The following ANKRD28 variants were observed in gnomAD, a reference collection of about 807,000 sequenced individuals.
ANKRD28 encodes the protein ankyrin repeat domain 28.
A neutral mutation model predicts 126.5 loss-of-function variants in ANKRD28; 44 were observed. The observed-to-expected ratio is 0.35, with a 90% CI of 0.27 to 0.45. ANKRD28 has a LOEUF of 0.45. Ranked by LOEUF, ANKRD28 falls within the 20% of genes least tolerant of loss-of-function variation. ANKRD28 has a pLI of 1.00. For synonymous variants in ANKRD28, 442 were observed against 468.5 expected, an observed-to-expected ratio of 0.94 and a Z score of 0.73; for missense variants, 1,110 against 1,316.6, an observed-to-expected ratio of 0.84 and a Z score of 2.43.
chr3:15,686,325 T>G lies in ANKRD28; in HGVS notation c.1964-16A>C, dbSNP rs1431393691. ...CCATTTGTTGCTGTAAAGTGAAATTTAAACATTTCAGTAATTACATATAAT... is the reference window on the plus strand; with the variant it reads ...CCATTTGTTGCTGTAAAGTGAAATTGAAACATTTCAGTAATTACATATAAT... On this transcript the variant is annotated splice_polypyrimidine_tract_variant and intron_variant, in intron 18 of 27. Coordinates refer to ENST00000683139, the MANE Select transcript of ANKRD28 (RefSeq NM_001349278.2). The G allele has an allele frequency of 6.5e-7, 1 of 1,528,804 alleles. No homozygotes were observed. Among genetic ancestry groups the G allele is most frequent in the Non-Finnish European group, 8.9e-7 (1 of 1,122,116 alleles). The allele number at this position is 1,528,804 out of a possible 1,614,324, so 94.7% of individuals were successfully genotyped here. A position where few individuals can be genotyped will look rare whatever the true frequency, so the allele number is the denominator to read the frequency against.
At chr3:15,821,756 C>T (rs1368900824) in intron 1 of ANKRD28, among the ~76,000 whole-genome samples, 1 of 152,210 alleles carries the variant, frequency 6.6e-6, no homozygotes, top group Non-Finnish European at 1.5e-5. Flanking sequence ...TCCATGATAG[C>T]AGCCCACATC....
At chr3:15,801,213 T>C (rs2060458924), upstream of ANKRD28, among the ~76,000 whole-genome samples, 1 of 152,210 alleles carries the variant, frequency 6.6e-6, no homozygotes, top group Non-Finnish European at 1.5e-5. This position sits in a 1 kb window ranked among gnomAD's most constrained non-coding sequence, Gnocchi z 4.9. Flanking sequence ...TTACTCCTAC[T>C]ATTAATGGAA....
intron 11 of ANKRD28, among the ~76,000 whole-genome samples, chr3:15,711,580 A>C (rs2072282375): frequency 1.3e-5 from 2 of 152,204 alleles, no homozygotes; most frequent in African/African-American, 4.8e-5. Context: ...AGAACAGGCA[A>C]ATTTTATAGA....
At chr3:15,773,903 C>T (rs766247644) in intron 2 of ANKRD28, among the ~76,000 whole-genome samples, 7 of 152,054 alleles carry the variant, frequency 4.6e-5, no homozygotes, top group Admixed American at 1.3e-4. Context: ...GGGGGCCTCA[C>T]GCTGTTTGAC....
At chr3:15,717,619 C>T (rs933654543) in intron 8 of ANKRD28, among the ~76,000 whole-genome samples, 3 of 152,042 alleles carry the variant, frequency 2.0e-5, no homozygotes, top group African/African-American at 7.2e-5. Context: ...TAACTACAAG[C>T]CAAACACTTC....
At chr3:15,808,155 A>G (rs1307690710) in intron 1 of ANKRD28, among the ~76,000 whole-genome samples, 2 of 152,194 alleles carry the variant, frequency 1.3e-5, no homozygotes, top group Non-Finnish European at 2.9e-5. Flanking sequence ...CTTCCCACAC[A>G]CCAGACACCT....
In ANKRD28 at chr3:15,846,119, C is replaced by G. The variant is rs1482681169; in HGVS notation, c.27+13258G>C. Among the ~76,000 whole-genome samples, 1 of 151,272 alleles carries G rather than the reference C, an allele frequency of 6.6e-6. No individual in the cohort carries two copies. The highest frequency in any genetic ancestry group is 2.0e-4 in the East Asian group (1 of 5,120). ...CTCCCAAAATCTTAACTCGTCCCAGCGTTAACTCAGAAATCCAAGCCCAAA... is the reference window on the plus strand; with the variant it reads ...CTCCCAAAATCTTAACTCGTCCCAGGGTTAACTCAGAAATCCAAGCCCAAA... On this transcript the variant is annotated intron_variant, in intron 1 of 27. Coordinates refer to the ANKRD28 transcript ENST00000399451. The surrounding 1 kb of genome is among the most constrained non-coding windows in gnomAD (Gnocchi z 5.4).
chr3:15,691,748 T>C (rs1346687313), intron 17 of ANKRD28, among the ~76,000 whole-genome samples: 1 of 152,210 alleles, frequency 6.6e-6, no homozygotes, highest in African/African-American at 2.4e-5. Flanking sequence ...CATCTAACTT[T>C]GTTCCTCAAT....
At chr3:15,710,581 C>T (rs1253431616) in intron 12 of ANKRD28, among the ~76,000 whole-genome samples, 1 of 152,114 alleles carries the variant, frequency 6.6e-6, no homozygotes, top group Non-Finnish European at 1.5e-5. Context: ...TTGAGAATAA[C>T]GTTTTTGCAA....
chr3:15,773,247 A>G (rs2059103522), intron 2 of ANKRD28, among the ~76,000 whole-genome samples: 2 of 152,214 alleles, frequency 1.3e-5, no homozygotes, highest in African/African-American at 4.8e-5. Flanking sequence ...GTTATACTAA[A>G]AAAAAGGTAT....
At position 15,803,307 on chromosome 3, in the gene ANKRD28, A is replaced by G. The variant is rs181724629; in HGVS notation, c.28-8001T>C. On this transcript the variant is annotated intron_variant, in intron 1 of 27. Coordinates refer to the ANKRD28 transcript ENST00000399451. ...GTGATCTGAATTAGGACATGATCAT[A>G]TAGGTGGAGAGACAGAAATATATTT... 2.7e-3 allele frequency among the ~76,000 whole-genome samples: 404 copies of G among 152,300 alleles called. 4 individuals are homozygous for G. Among genetic ancestry groups the G allele is most frequent in the Non-Finnish European group, 2.0e-3 (139 of 68,018 alleles).
intron 6 of ANKRD28, among the ~76,000 whole-genome samples, chr3:15,728,013 G>T (rs193154879): frequency 6.6e-6 from 1 of 152,318 alleles, no homozygotes; most frequent in East Asian, 1.9e-4. Flanking sequence ...GTGAAGGGAA[G>T]AGTCCATCGA....
intron 2 of ANKRD28, among the ~76,000 whole-genome samples, chr3:15,779,465 G>A (rs939661709): frequency 2.8e-4 from 43 of 152,296 alleles, no homozygotes; most frequent in African/African-American, 1.0e-3. Context: ...ATAATGCTAA[G>A]CCACTAGGTA....
chr3:15,798,576 G>A (rs987665435), upstream of ANKRD28, among the ~76,000 whole-genome samples: 1 of 151,660 alleles, frequency 6.6e-6, no homozygotes, highest in Non-Finnish European at 1.5e-5. Flanking sequence ...TTTCACTGAA[G>A]AAATAAAATA....
In ANKRD28 at chr3:15,685,314, G is replaced by A; in HGVS notation, c.2301C>T (p.Ala767=). 1.2e-6 allele frequency: 2 copies of A among 1,613,966 alleles called. No individual in the cohort carries two copies. The highest frequency in any genetic ancestry group is 2.2e-5 in the East Asian group (1 of 44,894). The change falls in exon 21 of 28, where the codon GCC becomes GCT. Residue 767 remains alanine (A), a synonymous_variant. Transcript: ENST00000683139. ...CCATAGATGCTGCTGACTGCAAAAG[G>A]GCTCCAAGAACACCAATGTGTCCAC... ...AACGHIGVLG[A]LLQSAASMDA...
chr3:15,801,688 GCTGCTTTCTAGGCTACACAGGCCAGAAT>G (rs2060468959), upstream of ANKRD28, among the ~76,000 whole-genome samples: 1 of 152,098 alleles, frequency 6.6e-6, no homozygotes, highest in Admixed American at 6.5e-5. This position sits in a 1 kb window ranked among gnomAD's most constrained non-coding sequence, Gnocchi z 4.9. Flanking sequence ...TCAAGGAATA[GCTGCTTTCTAGGCTACACAGGCCAGAAT>G]CCATGCAATT....
chr3:15,729,079 A>C (rs1290770966), intron 6 of ANKRD28, among the ~76,000 whole-genome samples: 1 of 152,200 alleles, frequency 6.6e-6, no homozygotes, highest in Non-Finnish European at 1.5e-5. Flanking sequence ...TCAGTAATTA[A>C]ATGCTCCAGC....
intron 2 of ANKRD28, among the ~76,000 whole-genome samples, chr3:15,789,312 TG>T (rs2059919490): frequency 6.6e-6 from 1 of 152,086 alleles, no homozygotes; most frequent in Admixed American, 6.6e-5. Flanking sequence ...GAACCAAGAC[TG>T]ATCTAGCAAA....
At chr3:15,775,852 C>G (rs1204838669) in intron 2 of ANKRD28, among the ~76,000 whole-genome samples, 1 of 152,164 alleles carries the variant, frequency 6.6e-6, no homozygotes, top group Non-Finnish European at 1.5e-5. Context: ...ATTACATAAG[C>G]ATGACTGATT....
Sources: allele counts gnomAD v4.1 joint callset (sites outside exome capture counted in the v4.1 genomes callset), GRCh38; gene constraint gnomAD v4.1.1; non-coding constraint Gnocchi (gnomAD v3.1); transcripts MANE v1.5; gene names NCBI Gene and HGNC (gene_info 2026-07-23, HGNC 2026-07-21).